Variants in CBX5 observed in about 807,000 individuals in gnomAD.
CBX5 encodes the protein chromobox 5.
CBX5 carries 7 observed loss-of-function variants against 20.7 expected under a neutral mutation model. The observed-to-expected ratio is 0.34, with a 90% CI of 0.19 to 0.63. The LOEUF (loss-of-function observed/expected upper bound fraction) is 0.63. CBX5 is among the 30% of genes least tolerant of loss of function. The probability of loss-of-function intolerance (pLI) is 0.75; values close to 1 mark genes in which losing one functional copy is unlikely to be tolerated. For missense variants in CBX5, 110 were observed against 224.1 expected (o/e 0.49, Z 3.25); for synonymous variants, 78 against 77.0 (o/e 1.01, Z -0.07).
chr12:54,248,405 C>A (rs750704477), intron 3 of CBX5, among the ~76,000 whole-genome samples: 6 of 152,194 alleles, frequency 3.9e-5, no homozygotes, highest in Non-Finnish European at 5.9e-5. Flanking sequence ...CTCTACTGCC[C>A]GATTTTCATA....
chr12:54,271,566 C>T (rs1944010352), intron 1 of CBX5, among the ~76,000 whole-genome samples: 1 of 152,208 alleles, frequency 6.6e-6, no homozygotes, highest in Admixed American at 6.5e-5. Flanking sequence ...TCAGGTAATC[C>T]ACCCACCTCA....
chr12:54,260,172 A>C (rs1943902612), intron 1 of CBX5, among the ~76,000 whole-genome samples: 2 of 151,864 alleles, frequency 1.3e-5, no homozygotes, highest in South Asian at 2.1e-4. Context: ...AAAAAAAAAA[A>C]AAAAAAAACC....
At chr12:54,273,812 CTT>C (rs760851228) in intron 1 of CBX5, 1 of 152,192 alleles carries the variant, frequency 6.6e-6, no homozygotes, top group Non-Finnish European at 1.5e-5. Flanking sequence ...ATAAATTCCT[CTT>C]GTTTTAAACC....
At chr12:54,265,473 T>A (rs1301079461) in intron 1 of CBX5, among the ~76,000 whole-genome samples, 1 of 152,246 alleles carries the variant, frequency 6.6e-6, no homozygotes, top group Non-Finnish European at 1.5e-5. Context: ...CTGTCCTGGC[T>A]GTCTCAGGTT....
intron 1 of CBX5, among the ~76,000 whole-genome samples, chr12:54,279,427 G>A (rs952845015): frequency 6.6e-6 from 1 of 152,144 alleles, no homozygotes; most frequent in Non-Finnish European, 1.5e-5. Flanking sequence ...GAGGCCTAAA[G>A]GCTTCGTTAG....
intron 1 of CBX5, chr12:54,276,788 G>A (rs894486888): frequency 6.6e-6 from 1 of 152,192 alleles, no homozygotes; most frequent in African/African-American, 2.4e-5. Context: ...TGCACGTTTA[G>A]TGAAATGTTT....
At chr12:54,271,457 C>T (rs950452879) in intron 1 of CBX5, among the ~76,000 whole-genome samples, 5 of 152,238 alleles carry the variant, frequency 3.3e-5, no homozygotes, top group African/African-American at 1.2e-4. Context: ...TCCCAAGTAG[C>T]TGGGATTACA....
chr12:54,263,587 T>TA (rs950071166), intron 1 of CBX5, among the ~76,000 whole-genome samples: 6 of 147,054 alleles, frequency 4.1e-5, no homozygotes, highest in African/African-American at 1.5e-4. Context: ...ACAAAAAAAT[T>TA]AGTCAGGCGT....
intron 1 of CBX5, among the ~76,000 whole-genome samples, chr12:54,263,935 G>A (rs1336516456): frequency 4.0e-5 from 6 of 151,786 alleles, no homozygotes; most frequent in Non-Finnish European, 8.8e-5. Flanking sequence ...CCCAGCTACT[G>A]GGGAGGCTGA....
chr12:54,248,761 G>A (rs960113028), intron 3 of CBX5, among the ~76,000 whole-genome samples: 1 of 152,194 alleles, frequency 6.6e-6, no homozygotes, highest in African/African-American at 2.4e-5. Context: ...CGAAGAAAAT[G>A]CTAAAATCAT....
chr12:54,277,124 C>G (rs2137034732), intron 1 of CBX5: 2 of 152,278 alleles, frequency 1.3e-5, no homozygotes, highest in South Asian at 4.1e-4. Context: ...ACTCTGCCTC[C>G]CAGGTTCAAG....
intron 2 of CBX5, 78 bp downstream of exon 2, chr12:54,257,436 C>T (rs1419177159): frequency 7.5e-6 from 11 of 1,474,928 alleles, no homozygotes; most frequent in Non-Finnish European, 1.0e-5. Flanking sequence ...GACAAAAATG[C>T]TTGTGATTCC....
intron 3 of CBX5, 105 bp downstream of exon 3, chr12:54,251,936 G>T: frequency 1.0e-6 from 1 of 969,464 alleles, no homozygotes; most frequent in Non-Finnish European, 1.5e-6. Context: ...TTACCTTATA[G>T]GTCCATCCTT....
rs1943672492 is a variant in CBX5 at position 54,241,217 on chromosome 12, T to A, written c.*538A>T. On this transcript the variant is annotated 3_prime_UTR_variant, in exon 5 of 5. Coordinates refer to ENST00000209875, the MANE Select transcript of CBX5 (RefSeq NM_012117.3). Reference sequence around the variant, plus strand: ...AGACCACACCAGAAACCCTGTATTCTCCTGGGTAGAGCTGAACAAGGTTGG... The same window carrying A: ...AGACCACACCAGAAACCCTGTATTCACCTGGGTAGAGCTGAACAAGGTTGG... 2.0e-5 allele frequency: 3 copies of A among 152,292 alleles called. No individual in the cohort carries two copies. The highest frequency in any genetic ancestry group is 2.0e-4 in the Admixed American group (3 of 15,282). 9.4% of individuals were successfully genotyped at this position (152,292 alleles called of 1,614,324 possible). A position where few individuals can be genotyped will look rare whatever the true frequency, so the allele number is the denominator to read the frequency against.
chr12:54,243,434 A>C (rs1374811469), intron 4 of CBX5, among the ~76,000 whole-genome samples: 3 of 151,708 alleles, frequency 2.0e-5, no homozygotes, highest in Non-Finnish European at 4.4e-5. Context: ...GGTGGCATGC[A>C]CCTGTAGTCC....
chr12:54,262,080 C>T (rs1011816581), intron 1 of CBX5, among the ~76,000 whole-genome samples: 2 of 152,088 alleles, frequency 1.3e-5, no homozygotes, highest in Non-Finnish European at 2.9e-5. Context: ...CACTGGAAAA[C>T]GAATAAACCT....
Position 54,237,854 on chromosome 12 carries a change from T to C in CBX5, c.*3901A>G, listed in dbSNP as rs1160665217. ...AAATTGTATTACTGAAAGTGCTCCA[T>C]GAGAGCAAACAAATAATGACAATTT... On this transcript the variant is annotated 3_prime_UTR_variant, in exon 5 of 5. Coordinates refer to ENST00000209875, the MANE Select transcript of CBX5 (RefSeq NM_012117.3). 4 of 152,396 alleles carry C rather than the reference T, an allele frequency of 2.6e-5. No homozygotes were observed. The highest frequency in any genetic ancestry group is 3.9e-4 in the East Asian group (2 of 5,188). The allele number at this position is 152,396 out of a possible 1,614,324, so 9.4% of individuals were successfully genotyped here. A position where few individuals can be genotyped will look rare whatever the true frequency, so the allele number is the denominator to read the frequency against.
At chr12:54,246,007 T>C in intron 4 of CBX5, 108 bp downstream of exon 4, 4 of 784,878 alleles carry the variant, frequency 5.1e-6, no homozygotes, top group Non-Finnish European at 6.7e-6. Context: ...TCTCTGACAT[T>C]CAAAATTCAT....
intron 3 of CBX5, among the ~76,000 whole-genome samples, chr12:54,246,917 T>C (rs757456127): frequency 8.5e-5 from 13 of 152,138 alleles, no homozygotes; most frequent in Non-Finnish European, 1.6e-4. Context: ...AAGAATACCA[T>C]GTTTACCCTA....
Sources: allele counts gnomAD v4.1 joint callset (sites outside exome capture counted in the v4.1 genomes callset), GRCh38; gene constraint gnomAD v4.1.1; transcripts MANE v1.5; gene names NCBI Gene and HGNC (gene_info 2026-07-23, HGNC 2026-07-21).